Variants in HS3ST4 observed in about 807,000 individuals in gnomAD.
HS3ST4 encodes the protein heparan sulfate glucosamine 3-O-sulfotransferase 4.
Under a neutral mutation model 29.2 loss-of-function variants are expected in HS3ST4, and 17 were observed. The ratio of observed to expected loss-of-function variants is 0.58; its 90% confidence interval spans 0.40 to 0.87. The LOEUF (loss-of-function observed/expected upper bound fraction) is 0.87. Ranked by LOEUF, HS3ST4 falls within the 40% of genes least tolerant of loss-of-function variation. HS3ST4 has a pLI of 0.00. For synonymous variants in HS3ST4, 314 were observed against 285.7 expected, an observed-to-expected ratio of 1.10 and a Z score of -1.00; for missense variants, 627 against 634.5, an observed-to-expected ratio of 0.99 and a Z score of 0.13.
intron 1 of HS3ST4, among the ~76,000 whole-genome samples, chr16:26,130,342 C>T (rs1899400885): frequency 6.6e-6 from 1 of 152,170 alleles, no homozygotes; most frequent in Non-Finnish European, 1.5e-5. Context: ...CGCTGAACCC[C>T]ATGCATGGAA....
chr16:25,836,751 A>G (rs1249837881), intron 1 of HS3ST4, among the ~76,000 whole-genome samples: 2 of 152,240 alleles, frequency 1.3e-5, no homozygotes, highest in Non-Finnish European at 2.9e-5. Flanking sequence ...TAAATGTTAA[A>G]TTACAATAGA....
intron 1 of HS3ST4, among the ~76,000 whole-genome samples, chr16:25,966,741 C>A (rs538532993): frequency 5.1e-4 from 78 of 152,244 alleles, no homozygotes; most frequent in Non-Finnish European, 9.0e-4. Flanking sequence ...CATACCTTTG[C>A]CCATTCCTAC....
At chr16:25,809,982 C>T (rs892989702) in intron 1 of HS3ST4, among the ~76,000 whole-genome samples, 1 of 151,812 alleles carries the variant, frequency 6.6e-6, no homozygotes, top group African/African-American at 2.4e-5. Flanking sequence ...TCATTGATTG[C>T]TACTCATTAG....
intron 1 of HS3ST4, among the ~76,000 whole-genome samples, chr16:25,788,950 C>T (rs185756621): frequency 6.6e-5 from 10 of 152,214 alleles, no homozygotes; most frequent in Admixed American, 2.0e-4. Context: ...TTGTTCTTTT[C>T]AGATAATTAC....
intron 1 of HS3ST4, among the ~76,000 whole-genome samples, chr16:26,022,680 CTTTT>C (rs34741128): frequency 7.0e-6 from 1 of 142,686 alleles, no homozygotes; most frequent in Non-Finnish European, 1.5e-5. Context: ...AATTTTCTTC[CTTTT>C]TTTTTTTTTT....
chr16:25,891,438 C>G (rs1567266060), intron 1 of HS3ST4, among the ~76,000 whole-genome samples: 1 of 152,146 alleles, frequency 6.6e-6, no homozygotes, highest in South Asian at 2.1e-4. Flanking sequence ...TGATGGGAAG[C>G]AGGAACCCTT....
intron 1 of HS3ST4, among the ~76,000 whole-genome samples, chr16:25,814,567 G>A (rs1043430014): frequency 1.3e-5 from 2 of 152,118 alleles, no homozygotes; most frequent in African/African-American, 4.8e-5. Context: ...GGCTGGTCTG[G>A]AAGTCCTGAC....
intron 1 of HS3ST4, among the ~76,000 whole-genome samples, chr16:25,910,263 C>T (rs1342589983): frequency 1.3e-5 from 2 of 152,112 alleles, no homozygotes. Context: ...ATATTTTGGG[C>T]TTTGGCGGTC....
At chr16:26,033,996 C>T (rs188208732) in intron 1 of HS3ST4, among the ~76,000 whole-genome samples, 24 of 152,298 alleles carry the variant, frequency 1.6e-4, no homozygotes, top group Admixed American at 6.5e-4. Flanking sequence ...TCCCAGTCCA[C>T]GCCTCCACAA....
intron 1 of HS3ST4, among the ~76,000 whole-genome samples, chr16:25,987,177 C>A (rs1046949660): frequency 6.6e-6 from 1 of 151,994 alleles, no homozygotes; most frequent in African/African-American, 2.4e-5. Flanking sequence ...ATAGAGAAAC[C>A]CCGTCTCTAC....
At chr16:26,049,070 C>T (rs926272105) in intron 1 of HS3ST4, among the ~76,000 whole-genome samples, 14 of 151,778 alleles carry the variant, frequency 9.2e-5, no homozygotes, top group African/African-American at 1.9e-4. Flanking sequence ...TTTATGATTG[C>T]CTTTTATTTG....
At chr16:25,984,278 G>A (rs919498186) in intron 1 of HS3ST4, among the ~76,000 whole-genome samples, 3 of 152,108 alleles carry the variant, frequency 2.0e-5, no homozygotes, top group East Asian at 1.9e-4. Context: ...GATGGGGGAC[G>A]GTTTCGGGAT....
At chr16:26,097,961 C>T (rs1355685777) in intron 1 of HS3ST4, among the ~76,000 whole-genome samples, 2 of 152,204 alleles carry the variant, frequency 1.3e-5, no homozygotes, top group African/African-American at 2.4e-5. Flanking sequence ...CACATCTATG[C>T]AGCCAACAGA....
intron 1 of HS3ST4, among the ~76,000 whole-genome samples, chr16:25,970,932 C>A (rs977083904): frequency 3.9e-5 from 6 of 152,014 alleles, no homozygotes; most frequent in Non-Finnish European, 8.8e-5. Flanking sequence ...CTCACTGCAA[C>A]CTCTGCCTCC....
At chr16:26,069,550 AT>A (rs1256951649) in intron 1 of HS3ST4, among the ~76,000 whole-genome samples, 1 of 150,570 alleles carries the variant, frequency 6.6e-6, no homozygotes, top group African/African-American at 2.5e-5. Context: ...AAATTCTTTT[AT>A]ATATATATAT....
chr16:26,120,086 T>C (rs1357262390), intron 1 of HS3ST4, among the ~76,000 whole-genome samples: 1 of 136,808 alleles, frequency 7.3e-6, no homozygotes, highest in Non-Finnish European at 1.7e-5. Flanking sequence ...TGTGTGTGTG[T>C]GTGTGTATAT....
At chr16:25,922,080 G>A (rs1968359950) in intron 1 of HS3ST4, among the ~76,000 whole-genome samples, 1 of 152,158 alleles carries the variant, frequency 6.6e-6, no homozygotes, top group South Asian at 2.1e-4. Context: ...CTCACCCATG[G>A]CTAGAACAAG....
intron 1 of HS3ST4, among the ~76,000 whole-genome samples, chr16:25,735,384 T>C (rs1966600930): frequency 6.6e-6 from 1 of 151,630 alleles, no homozygotes; most frequent in Non-Finnish European, 1.5e-5. Context: ...TCATGTGTAC[T>C]TTTTCTTTTT....
rs139168836 is a variant in HS3ST4 at position 25,978,359 on chromosome 16, G to A, written c.735-157253G>A. Among the ~76,000 whole-genome samples, 406 of 152,322 alleles carry A rather than the reference G, an allele frequency of 2.7e-3. 2 individuals carry two copies. Among genetic ancestry groups the A allele is most frequent in the Non-Finnish European group, 4.6e-3 (314 of 68,034 alleles). On this transcript the variant is annotated intron_variant, in intron 1 of 1. Transcript: ENST00000331351. Reference sequence around the variant, plus strand: ...AGAGTAAACATTTTAGTCTTGGCAGGCCCTACAGTCTCTGTTGTAACTACT... The same window carrying A: ...AGAGTAAACATTTTAGTCTTGGCAGACCCTACAGTCTCTGTTGTAACTACT...
Sources: gnomAD v4.1 joint callset for allele counts (sites outside exome capture counted in the v4.1 genomes callset) on GRCh38, gnomAD v4.1.1 for gene constraint, MANE v1.5 for transcripts, NCBI Gene and HGNC (gene_info 2026-07-23, HGNC 2026-07-21) for gene names.